TXNDC11: variants seen among roughly 807,000 people sequenced by gnomAD.
TXNDC11 encodes the protein thioredoxin domain containing 11.
Under a neutral mutation model 78.0 loss-of-function variants are expected in TXNDC11, and 68 were observed. That is an observed-to-expected ratio of 0.87 (90% CI 0.72 to 1.07). TXNDC11 has a LOEUF of 1.07. TXNDC11 is among the 50% of genes least tolerant of loss of function. The probability of loss-of-function intolerance (pLI) is 0.00; values close to 1 mark genes in which losing one functional copy is unlikely to be tolerated. For missense variants in TXNDC11, 1,389 were observed against 1,221.8 expected, an observed-to-expected ratio of 1.14 and a Z score of -2.04; for synonymous variants, 571 against 495.2, an observed-to-expected ratio of 1.15 and a Z score of -2.03.
In TXNDC11 at chr16:11,691,434, C is replaced by G. The variant is rs2050711136; in HGVS notation, c.1756G>C (p.Asp586His). 2 of 1,614,048 alleles carry G rather than the reference C, an allele frequency of 1.2e-6. No individual in the cohort carries two copies. The highest frequency in any genetic ancestry group is 1.7e-6 in the Non-Finnish European group (2 of 1,180,046). The change falls in exon 8 of 12, where the codon GAT becomes CAT. Residue 586 changes from aspartate (D) to histidine (H), a missense_variant. Physicochemically the swap from Asp to His is moderately conservative, Grantham distance 81. Transcript: ENST00000283033. The part of the protein sequence containing the change: ...TNKTLNIYLL[D>H]SNLFWLYAER... ...GCATATAACCAAAACAAATTTGAAT[C>G]CAAAAGGTAGATGTTGAGAGTCTTG...
rs764204371 is a variant in TXNDC11, at chr16:11,734,126, A to G, written c.472-47T>C. The G allele has an allele frequency of 3.4e-6, 4 of 1,184,806 alleles. No homozygotes were observed. In the African/African-American group the frequency reaches 6.2e-5, roughly 18 times the overall value. 73.4% of individuals were successfully genotyped at this position (1,184,806 alleles called of 1,614,324 possible). A position where few individuals can be genotyped will look rare whatever the true frequency, so the allele number is the denominator to read the frequency against. On this transcript the variant is annotated intron_variant, in intron 2 of 11. Transcript: ENST00000283033. Reference sequence around the variant, plus strand: ...TCAAATGACTATGAATAACAACTGAAAAGTTACCAAGATTTAAAAGATGAA... The same window carrying G: ...TCAAATGACTATGAATAACAACTGAGAAGTTACCAAGATTTAAAAGATGAA...
intron 10 of TXNDC11, among the ~76,000 whole-genome samples, chr16:11,684,863 G>C (rs997648029): frequency 6.6e-6 from 1 of 152,242 alleles, no homozygotes; most frequent in Non-Finnish European, 1.5e-5. Flanking sequence ...AGCAGACATG[G>C]AGCCACAACA....
In TXNDC11 at chr16:11,731,965, G is replaced by C. The variant is rs564445892; in HGVS notation, c.570-1191C>G. On this transcript the variant is annotated intron_variant, in intron 3 of 11. Transcript: ENST00000283033. ...AAAGCATCTAACTTATTTTGTTCCAGAAAAAGGAGCTACCAATCTGGAAAC... is the reference window on the plus strand; with the variant it reads ...AAAGCATCTAACTTATTTTGTTCCACAAAAAGGAGCTACCAATCTGGAAAC... Among the ~76,000 whole-genome samples the C allele has an allele frequency of 7.2e-5, 11 of 152,220 alleles. No homozygotes were observed. In the South Asian group the frequency reaches 2.3e-3, roughly 32 times the overall value.
At chr16:11,725,851 A>G (rs2051861045) in intron 4 of TXNDC11, among the ~76,000 whole-genome samples, 1 of 152,180 alleles carries the variant, frequency 6.6e-6, no homozygotes, top group Non-Finnish European at 1.5e-5. Flanking sequence ...CTGTTGTCCT[A>G]GAAATTGTTT....
intron 10 of TXNDC11, among the ~76,000 whole-genome samples, chr16:11,686,446 C>G (rs1308560264): frequency 6.6e-6 from 1 of 152,200 alleles, no homozygotes; most frequent in Non-Finnish European, 1.5e-5. Flanking sequence ...CTTCGGAATT[C>G]CTATTCCATT....
At chr16:11,712,408 C>T (rs1437092813) in intron 5 of TXNDC11, among the ~76,000 whole-genome samples, 1 of 152,124 alleles carries the variant, frequency 6.6e-6, no homozygotes, top group Admixed American at 6.5e-5. Flanking sequence ...GCCATCTTCC[C>T]GTCTCCACCT....
intron 4 of TXNDC11, among the ~76,000 whole-genome samples, chr16:11,729,450 A>G (rs1841021292): frequency 3.0e-5 from 3 of 100,190 alleles, no homozygotes; most frequent in African/African-American, 1.4e-4. Flanking sequence ...CTCTGCTAAT[A>G]GTTAACACAT....
At chr16:11,738,845 C>A (rs1276686584) in intron 1 of TXNDC11, among the ~76,000 whole-genome samples, 1 of 151,896 alleles carries the variant, frequency 6.6e-6, no homozygotes, top group African/African-American at 2.4e-5. Context: ...CTGACCAACA[C>A]CGGGAAACCC....
chr16:11,712,728 G>C (rs2051397836), intron 5 of TXNDC11, among the ~76,000 whole-genome samples: 1 of 151,954 alleles, frequency 6.6e-6, no homozygotes, highest in South Asian at 2.1e-4. Context: ...TGAGGTGGCT[G>C]GACTGCTTGA....
At chr16:11,689,401 C>G (rs937928930) in intron 8 of TXNDC11, among the ~76,000 whole-genome samples, 2 of 152,324 alleles carry the variant, frequency 1.3e-5, no homozygotes, top group Non-Finnish European at 2.9e-5. Flanking sequence ...ACTTAGTTGG[C>G]TATGTTTTTG....
At chr16:11,728,200 C>T (rs1025609441) in intron 4 of TXNDC11, among the ~76,000 whole-genome samples, 2 of 152,216 alleles carry the variant, frequency 1.3e-5, no homozygotes, top group African/African-American at 4.8e-5. Flanking sequence ...AGAATTCTGT[C>T]TCTATCTTAT....
At chr16:11,709,075 A>G (rs1234528272) in intron 5 of TXNDC11, among the ~76,000 whole-genome samples, 1 of 152,202 alleles carries the variant, frequency 6.6e-6, no homozygotes, top group Non-Finnish European at 1.5e-5. Context: ...TTCAATGTAT[A>G]AACTATCATT....
chr16:11,717,433 T>TGAAAAA (rs2051560575), intron 5 of TXNDC11, among the ~76,000 whole-genome samples: 4 of 14,854 alleles, frequency 2.7e-4, no homozygotes, highest in Non-Finnish European at 6.6e-4. Flanking sequence ...AGACTCCAAA[T>TGAAAAA]GAAAAAAAAA....
chr16:11,689,305 T>C (rs556616584), intron 8 of TXNDC11, among the ~76,000 whole-genome samples: 17 of 152,282 alleles, frequency 1.1e-4, no homozygotes, highest in African/African-American at 3.8e-4. Context: ...TGAGGTGCAA[T>C]GGGCAATGCA....
chr16:11,732,311 T>C (rs1007794575), intron 3 of TXNDC11, among the ~76,000 whole-genome samples: 8 of 152,178 alleles, frequency 5.3e-5, no homozygotes, highest in African/African-American at 1.9e-4. Context: ...CACATCACGT[T>C]ATGTCCACCT....
At chr16:11,719,014 C>A (rs2141082165) in intron 5 of TXNDC11, among the ~76,000 whole-genome samples, 1 of 152,268 alleles carries the variant, frequency 6.6e-6, no homozygotes, top group Non-Finnish European at 1.5e-5. Context: ...AAGGCTGCTG[C>A]CTCTTATTAG....
At chr16:11,686,817 G>C (rs982136164) in intron 10 of TXNDC11, among the ~76,000 whole-genome samples, 2 of 152,194 alleles carry the variant, frequency 1.3e-5, no homozygotes, top group East Asian at 1.9e-4. Flanking sequence ...GGGGAGGCTG[G>C]AGTATGAATG....
At position 11,730,659 on chromosome 16, in the gene TXNDC11, G is replaced by A; in HGVS notation, c.685C>T (p.Leu229Phe). ...IPSQSELLDF[L>F]SNYEPGVLGY... is the part of the protein sequence containing the mutation. ...AAGACAAGTACCTCGTAGTTTGAGA[G>A]AAAATCTAGTAATTCTGATTGAGAT... Residue 229 changes from leucine to phenylalanine, a missense_variant, in exon 4 of 12, where the codon CTC becomes TTC. Physicochemically the swap from Leu to Phe is conservative, Grantham distance 22 (BLOSUM62 0). Transcript: ENST00000283033. 1 of 1,613,622 alleles carries A rather than the reference G, an allele frequency of 6.2e-7. No individual in the cohort carries two copies. Among genetic ancestry groups the A allele is most frequent in the Non-Finnish European group, 8.5e-7 (1 of 1,179,670 alleles).
chr16:11,711,562 T>C (rs1436146833), intron 5 of TXNDC11, among the ~76,000 whole-genome samples: 6 of 152,306 alleles, frequency 3.9e-5, no homozygotes, highest in African/African-American at 1.2e-4. Flanking sequence ...CTCTGCTATT[T>C]TGCCTCCAAT....
Sources: allele counts gnomAD v4.1 joint callset (sites outside exome capture counted in the v4.1 genomes callset), GRCh38; gene constraint gnomAD v4.1.1; transcripts MANE v1.5; gene names NCBI Gene and HGNC (gene_info 2026-07-23, HGNC 2026-07-21).